CC2D2A: variants seen among roughly 807,000 people sequenced by gnomAD.
CC2D2A encodes the protein coiled-coil and C2 domain containing 2A.
Under a neutral mutation model 212.9 loss-of-function variants are expected in CC2D2A, and 155 were observed. The ratio of observed to expected loss-of-function variants is 0.73; its 90% CI spans 0.64 to 0.83. The LOEUF (loss-of-function observed/expected upper bound fraction) is 0.83. Among genes scored for constraint, CC2D2A ranks in the 40% least tolerant of loss-of-function variants. The probability of loss-of-function intolerance (pLI) is 0.00; values close to 1 mark genes in which losing one functional copy is unlikely to be tolerated. For missense variants in CC2D2A, 1,856 were observed against 1,956.2 expected (o/e 0.95, Z 0.97); for synonymous variants, 667 against 686.5 (o/e 0.97, Z 0.44).
intron 19 of CC2D2A, 60 bp downstream of exon 19, chr4:15,553,365 A>G: frequency 6.5e-7 from 1 of 1,548,928 alleles, no homozygotes; most frequent in African/African-American, 1.4e-5. Flanking sequence ...AAGATACCCA[A>G]GGGGAAAGAA....
chr4:15,481,973 A>G (rs1437611051), intron 4 of CC2D2A: 1 of 985,316 alleles, frequency 1.0e-6, no homozygotes, highest in East Asian at 1.1e-4. Flanking sequence ...CTTCTTCCCC[A>G]GTACAATGAA....
intron 29 of CC2D2A, among the ~76,000 whole-genome samples, chr4:15,574,889 T>C (rs1720332974): frequency 6.6e-6 from 1 of 152,358 alleles, no homozygotes; most frequent in South Asian, 2.1e-4. Context: ...TTAGCAACTG[T>C]CCCTGAACCT....
Position 15,599,584 on chromosome 4 carries a change from C to A in CC2D2A, c.4552C>A (p.Arg1518=). 1.2e-6 allele frequency: 2 copies of A among 1,606,932 alleles called. No individual in the cohort carries two copies. Among genetic ancestry groups the A allele is most frequent in the South Asian group, 1.1e-5 (1 of 90,058 alleles). ...IMDWRPRHLT[R]WNRYCTSTLR... is the part of the protein sequence containing the mutation. ...GGACTGGAGGCCACGCCATCTGACT[C>A]GGTGGAATAGGTATTGTACCTCTAC... The change falls in exon 36 of 37, where the codon CGG becomes AGG. Residue 1518 remains arginine, a synonymous_variant. Transcript: ENST00000424120.
chr4:15,511,476 A>T, intron 8 of CC2D2A, 53 bp downstream of exon 8: 7 of 1,422,564 alleles, frequency 4.9e-6, no homozygotes, highest in Non-Finnish European at 6.4e-6. Flanking sequence ...AGGAGGAAAA[A>T]GCTGATGTCC....
At chr4:15,519,227 G>T in intron 11 of CC2D2A, 2 of 328,428 alleles carry the variant, frequency 6.1e-6, no homozygotes, top group South Asian at 2.5e-5. Flanking sequence ...CAAATCTCTA[G>T]GGCAGAGGCA....
chr4:15,480,214 G>A lies in CC2D2A; in HGVS notation c.124-490G>A, dbSNP rs572358035. ...AGTCTGAGTTTGGAGGCAAGCTTTA[G>A]TCTATCTGTCCTCAAAGGTGTTATT... On this transcript the variant is annotated intron_variant, in intron 3 of 36. Transcript: ENST00000424120. 2.8e-4 allele frequency among the ~76,000 whole-genome samples: 42 copies of A among 152,304 alleles called. No individual in the cohort carries two copies. The South Asian group carries it at 8.7e-3, about 32-fold the overall frequency.
intron 20 of CC2D2A, among the ~76,000 whole-genome samples, chr4:15,556,591 C>G (rs1334198709): frequency 6.6e-6 from 1 of 152,156 alleles, no homozygotes; most frequent in Non-Finnish European, 1.5e-5. Flanking sequence ...CCAGGATTGC[C>G]TTTCCCATGC....
At chr4:15,547,220 G>A (rs1439464643) in intron 17 of CC2D2A, among the ~76,000 whole-genome samples, 1 of 152,162 alleles carries the variant, frequency 6.6e-6, no homozygotes, top group Non-Finnish European at 1.5e-5. Context: ...TGGGGTACAT[G>A]TGGTATTTTG....
At chr4:15,509,755 TTGTGTGAAG>T (rs1193223276) in intron 6 of CC2D2A, among the ~76,000 whole-genome samples, 4 of 152,180 alleles carry the variant, frequency 2.6e-5, no homozygotes, top group Non-Finnish European at 5.9e-5. Flanking sequence ...TGTGAACCCA[TTGTGTGAAG>T]GTACCTACAC....
chr4:15,482,400 G>A, intron 4 of CC2D2A: 1 of 660,814 alleles, frequency 1.5e-6, no homozygotes, highest in South Asian at 6.8e-5. Flanking sequence ...TTTTCTCATG[G>A]CTCTGAAGGC....
At chr4:15,502,297 A>G (rs1715996039) in intron 4 of CC2D2A, 132 bp from the exon 5 acceptor site, 3 of 702,588 alleles carry the variant, frequency 4.3e-6, no homozygotes, top group African/African-American at 3.6e-5. Context: ...GCAAAATAAA[A>G]TTATGTTCTC....
chr4:15,516,900 C>A, intron 11 of CC2D2A, 144 bp downstream of exon 11: 1 of 677,630 alleles, frequency 1.5e-6, no homozygotes, highest in Non-Finnish European at 2.2e-6. Context: ...AAACATCAGG[C>A]ATATTATGTA....
rs1454542489 is a variant in CC2D2A, at chr4:15,502,499, G to A, written c.318G>A (p.Glu106=). 2.5e-6 allele frequency: 4 copies of A among 1,605,020 alleles called. No homozygotes were observed. The South Asian group carries it at 4.6e-5, about 18-fold the overall frequency. ...TTTCCATGAGGGGACGCATGAGGGA[G>A]AAATTGCAAGCAGCGAGGGTGAGAG... ...AEFSMRGRMR[E]KLQAARSKAE... is the part of the protein sequence containing the mutation. The change falls in exon 5 of 37, where the codon GAG becomes GAA. Residue 106 remains glutamate, a synonymous_variant. Transcript: ENST00000424120.
chr4:15,475,978 G>T lies in CC2D2A; in HGVS notation c.39+7G>T. The stretch of plus-strand genomic sequence containing the variant: ...AGTAAAAATAATTACAGAGGTAAGT[G>T]GCCACTTTGATGTCCTCTAGGGATG... On this transcript the variant is annotated splice_region_variant and intron_variant, in intron 2 of 36. Transcript: ENST00000424120. 6.3e-7 allele frequency: 1 copy of T among 1,587,698 alleles called. No individual in the cohort carries two copies. Among genetic ancestry groups the T allele is most frequent in the Non-Finnish European group, 8.6e-7 (1 of 1,166,092 alleles).
At position 15,516,730 on chromosome 4, in the gene CC2D2A, G is replaced by C. The variant is rs759668652; in HGVS notation, c.1123G>C (p.Ala375Pro). 152 of 1,612,820 alleles carry C rather than the reference G, an allele frequency of 9.4e-5. No individual in the cohort carries two copies. The highest frequency in any genetic ancestry group is 1.3e-4 in the Non-Finnish European group (150 of 1,179,354). ...ACTAACACAGGAGCAGAGCATTAAG[G>C]CAGAGCTTGAAACACTGTATAAAAA... Reference protein sequence around the residue: ...PVLTQEQSIKAELETLYKKAV... With the variant: ...PVLTQEQSIKPELETLYKKAV... The change falls in exon 11 of 37, where the codon GCA (alanine) becomes CCA (proline). Residue 375 changes from alanine (A) to proline (P), a missense_variant. Transcript: ENST00000424120.
chr4:15,555,347 C>A, intron 20 of CC2D2A, 137 bp downstream of exon 20: 2 of 1,114,280 alleles, frequency 1.8e-6, no homozygotes, highest in Non-Finnish European at 2.5e-6. Flanking sequence ...TCCAGCTGTG[C>A]TTCTTGCCTG....
At chr4:15,596,018 C>A in intron 33 of CC2D2A, 67 bp from the exon 34 acceptor site, 1 of 1,174,952 alleles carries the variant, frequency 8.5e-7, no homozygotes, top group South Asian at 1.7e-5. Flanking sequence ...ACACATACAT[C>A]CATGCACACA....
chr4:15,481,950 A>G, intron 4 of CC2D2A: 1 of 985,382 alleles, frequency 1.0e-6, no homozygotes, highest in South Asian at 4.7e-5. Flanking sequence ...TTCTCCCCCT[A>G]CACACGCCTT....
chr4:15,501,622 A>T (rs1715958176), intron 4 of CC2D2A, among the ~76,000 whole-genome samples: 1 of 152,074 alleles, frequency 6.6e-6, no homozygotes, highest in African/African-American at 2.4e-5. Flanking sequence ...ACTCCATTTT[A>T]CTTCCACCTC....
Sources: allele counts gnomAD v4.1 joint callset (sites outside exome capture counted in the v4.1 genomes callset), GRCh38; gene constraint gnomAD v4.1.1; transcripts MANE v1.5; gene names NCBI Gene and HGNC (gene_info 2026-07-23, HGNC 2026-07-21).